Variants in DLGAP1 observed in about 807,000 individuals in gnomAD.
DLGAP1 encodes the protein disks large-associated protein 1.
A neutral mutation model predicts 90.8 loss-of-function variants in DLGAP1; 11 were observed. The ratio of observed to expected loss-of-function variants is 0.12; its 90% CI spans 0.08 to 0.20. The LOEUF (loss-of-function observed/expected upper bound fraction) is 0.20. DLGAP1 is among the 10% of genes least tolerant of loss of function. DLGAP1 has a pLI of 1.00. For missense variants in DLGAP1, 1,050 were observed against 1,333.8 expected, an observed-to-expected ratio of 0.79 and a Z score of 3.31; for synonymous variants, 558 against 540.7, an observed-to-expected ratio of 1.03 and a Z score of -0.44.
chr18:4,386,103 G>T (rs754866999), intron 1 of DLGAP1, among the ~76,000 whole-genome samples: 2 of 152,126 alleles, frequency 1.3e-5, no homozygotes, highest in Admixed American at 6.5e-5. Flanking sequence ...TGTGACAAGG[G>T]ATTGCTGGGG....
chr18:3,772,159 T>TCTTTCTCTCCTTC (rs1201746333), intron 5 of DLGAP1, among the ~76,000 whole-genome samples: 1 of 128,068 alleles, frequency 7.8e-6, no homozygotes, highest in Non-Finnish European at 1.6e-5. Context: ...TCCTTCCCTT[T>TCTTTCTCTCCTTC]CTTTCTCTCC....
At chr18:3,525,635 G>A (rs376585440) in intron 10 of DLGAP1, among the ~76,000 whole-genome samples, 6 of 152,248 alleles carry the variant, frequency 3.9e-5, no homozygotes, top group East Asian at 1.9e-4. Flanking sequence ...TCCTGACCTC[G>A]TGATCTGCCT....
chr18:3,677,370 A>G (rs886832879), intron 7 of DLGAP1, among the ~76,000 whole-genome samples: 3 of 152,174 alleles, frequency 2.0e-5, no homozygotes, highest in African/African-American at 7.2e-5. Context: ...GGTTTCATTT[A>G]TTGTCTTAAC....
intron 5 of DLGAP1, among the ~76,000 whole-genome samples, chr18:3,759,845 T>C (rs11662487): frequency 0.057 from 8,668 of 152,208 alleles, 288 homozygotes; most frequent in Middle Eastern, 0.15. Flanking sequence ...CCTTGAGTGG[T>C]AAGACTGTCA....
intron 5 of DLGAP1, among the ~76,000 whole-genome samples, chr18:3,772,177 C>T (rs1219360127): frequency 2.8e-5 from 4 of 144,946 alleles, no homozygotes; most frequent in African/African-American, 7.7e-5. Context: ...TCCTTCCTTT[C>T]TCTCCTTCCT....
At chr18:3,687,437 A>C (rs780971634) in intron 7 of DLGAP1, among the ~76,000 whole-genome samples, 1 of 152,226 alleles carries the variant, frequency 6.6e-6, no homozygotes, top group African/African-American at 2.4e-5. Flanking sequence ...CCAACAACAT[A>C]ATAAAATGTT....
intron 2 of DLGAP1, among the ~76,000 whole-genome samples, chr18:4,052,569 G>A (rs886177905): frequency 1.3e-5 from 2 of 152,188 alleles, no homozygotes; most frequent in Admixed American, 1.3e-4. Flanking sequence ...CCAGGCCTGT[G>A]ACGGGAGGGA....
intron 3 of DLGAP1, among the ~76,000 whole-genome samples, chr18:3,945,113 T>C (rs1353967621): frequency 6.6e-6 from 1 of 152,218 alleles, no homozygotes; most frequent in African/African-American, 2.4e-5. Flanking sequence ...TGCTCTTAAC[T>C]AACTTCTCTG....
intron 3 of DLGAP1, among the ~76,000 whole-genome samples, chr18:3,921,463 G>C (rs950078057): frequency 6.6e-6 from 1 of 152,150 alleles, no homozygotes; most frequent in Non-Finnish European, 1.5e-5. Flanking sequence ...CAGAAGACAG[G>C]TTTGAAGTCT....
intron 4 of DLGAP1, among the ~76,000 whole-genome samples, chr18:3,822,617 C>A (rs1438529266): frequency 6.6e-6 from 1 of 152,156 alleles, no homozygotes; most frequent in Non-Finnish European, 1.5e-5. Context: ...CCCATAAATC[C>A]CCTTTCCTGG....
chr18:4,042,154 A>G (rs1568365860), intron 2 of DLGAP1, among the ~76,000 whole-genome samples: 1 of 152,202 alleles, frequency 6.6e-6, no homozygotes, highest in Non-Finnish European at 1.5e-5. Flanking sequence ...TTCTTCCCAT[A>G]ATACTAGATT....
intron 2 of DLGAP1, among the ~76,000 whole-genome samples, chr18:4,006,129 T>G (rs1214502695): frequency 6.6e-6 from 1 of 152,206 alleles, no homozygotes; most frequent in Non-Finnish European, 1.5e-5. Context: ...TACCCCATCT[T>G]TAATGCCTAA....
intron 7 of DLGAP1, among the ~76,000 whole-genome samples, chr18:3,613,720 T>G (rs1165773538): frequency 2.6e-5 from 4 of 152,200 alleles, no homozygotes; most frequent in Non-Finnish European, 5.9e-5. Context: ...TTAACAGACC[T>G]TGGGTATAAA....
intron 4 of DLGAP1, among the ~76,000 whole-genome samples, chr18:3,873,146 A>G (rs963178010): frequency 3.9e-5 from 6 of 152,228 alleles, no homozygotes; most frequent in Non-Finnish European, 5.9e-5. Context: ...CTTTCTCACA[A>G]TGTTTTGTCA....
intron 2 of DLGAP1, among the ~76,000 whole-genome samples, chr18:4,079,287 TCACACACACACACACA>T (rs6146196): frequency 0.12 from 17,024 of 142,554 alleles, 1,285 homozygotes; most frequent in East Asian, 0.34. Flanking sequence ...AAAGAAAATG[TCACACACACACACACA>T]CACACACACA....
chr18:3,787,539 A>G (rs1010574047), intron 5 of DLGAP1, among the ~76,000 whole-genome samples: 4 of 147,748 alleles, frequency 2.7e-5, no homozygotes, highest in Non-Finnish European at 4.5e-5. Context: ...ATGAACTTCT[A>G]TTAATATGAA....
chr18:4,171,222 G>C (rs1360480193), intron 1 of DLGAP1, among the ~76,000 whole-genome samples: 2 of 151,974 alleles, frequency 1.3e-5, no homozygotes, highest in African/African-American at 4.8e-5. Flanking sequence ...AATGCATAAG[G>C]CCTCTTTAAT....
intron 1 of DLGAP1, among the ~76,000 whole-genome samples, chr18:4,215,786 TA>T (rs529038532): frequency 6.6e-6 from 1 of 152,002 alleles, no homozygotes; most frequent in Non-Finnish European, 1.5e-5. Context: ...ATAGCAAAGG[TA>T]AAACATCACA....
rs200480157 is a variant in DLGAP1 at position 3,728,300 on chromosome 18, T to TTATATATA, written c.1591+827_1591+834dup. 7.4e-3 allele frequency among the ~76,000 whole-genome samples: 909 copies of TTATATATA among 123,544 alleles called. 9 individuals are homozygous for TTATATATA. The highest frequency in any genetic ancestry group is 0.02 in the African/African-American group (570 of 28,536). 81.0% of individuals were successfully genotyped at this position (123,544 alleles called of 152,430 possible). A position where few individuals can be genotyped will look rare whatever the true frequency, so the allele number is the denominator to read the frequency against. On this transcript the variant is annotated intron_variant, in intron 7 of 12. Transcript: ENST00000315677. ...GGATTTTCTTTTTGGAACGCAAATG[T>TTATATATA]TATATATATATATATATATATATAT... is the stretch of plus-strand genomic sequence containing the variant.
Sources: gnomAD v4.1 joint callset for allele counts (sites outside exome capture counted in the v4.1 genomes callset) on GRCh38, gnomAD v4.1.1 for gene constraint, MANE v1.5 for transcripts, NCBI Gene and HGNC (gene_info 2026-07-23, HGNC 2026-07-21) for gene names.